The following TLL1 variants were observed in gnomAD, a reference collection of about 807,000 sequenced individuals.
The protein encoded by TLL1 is tolloid-like protein 1.
A neutral mutation model predicts 128.2 loss-of-function variants in TLL1; 49 were observed. The observed-to-expected ratio is 0.38, with a 90% confidence interval of 0.30 to 0.48. The LOEUF (loss-of-function observed/expected upper bound fraction) is 0.48, where lower values mean the gene tolerates loss of function less well. TLL1 is among the 20% of genes least tolerant of loss of function. TLL1 has a pLI of 0.96. For missense variants in TLL1, 1,123 were observed against 1,242.0 expected, an observed-to-expected ratio of 0.90 and a Z score of 1.44; for synonymous variants, 454 against 418.8, an observed-to-expected ratio of 1.08 and a Z score of -1.03.
rs529653380 is a variant in TLL1 at position 166,049,792 on chromosome 4, A to T, written c.1525-5284A>T. Among the ~76,000 whole-genome samples the T allele has an allele frequency of 1.5e-3, 223 of 151,608 alleles. 1 individual carries two copies. The highest frequency in any genetic ancestry group is 4.9e-3 in the African/African-American group (202 of 41,478). ...TTTATACTATTATTTCCTAGACTTTACTAGATTTTTCTCATTATAAAAATT... is the reference window on the plus strand; with the variant it reads ...TTTATACTATTATTTCCTAGACTTTTCTAGATTTTTCTCATTATAAAAATT... On this transcript the variant is annotated intron_variant, in intron 12 of 20. Coordinates refer to ENST00000061240, the MANE Select transcript of TLL1 (RefSeq NM_012464.5).
chr4:166,005,868 G>C (rs1366806848), intron 6 of TLL1, among the ~76,000 whole-genome samples: 1 of 151,830 alleles, frequency 6.6e-6, no homozygotes, highest in Non-Finnish European at 1.5e-5. Flanking sequence ...TATATAATGT[G>C]TAGTATAAAT....
At chr4:165,912,673 CAT>C (rs111371900) in intron 1 of TLL1, among the ~76,000 whole-genome samples, 11,329 of 152,166 alleles carry the variant, frequency 0.074, 1,339 homozygotes, top group African/African-American at 0.25. Context: ...CTCCTCGTTC[CAT>C]AGTTGTTCAA....
intron 6 of TLL1, among the ~76,000 whole-genome samples, chr4:166,005,884 C>T (rs6823153): frequency 0.059 from 9,009 of 151,728 alleles, 275 homozygotes; most frequent in African/African-American, 0.088. Context: ...TAAATAAATG[C>T]GCAATCCTAA....
At chr4:165,970,095 T>C (rs1735566668) in intron 1 of TLL1, among the ~76,000 whole-genome samples, 1 of 152,158 alleles carries the variant, frequency 6.6e-6, no homozygotes, top group Non-Finnish European at 1.5e-5. Context: ...CTTTAATGAG[T>C]GTTCTAAGGC....
chr4:165,887,793 A>G (rs184213824), intron 1 of TLL1, among the ~76,000 whole-genome samples: 27 of 152,294 alleles, frequency 1.8e-4, no homozygotes, highest in Admixed American at 1.5e-3. Flanking sequence ...ATCCATTAAC[A>G]TGGTATATAT....
At position 166,060,084 on chromosome 4, in the gene TLL1, C is replaced by T. The variant is rs1286090961; in HGVS notation, c.1903C>T (p.Pro635Ser). The change falls in exon 15 of 21, where the codon CCC (proline) becomes TCC (serine). Residue 635 changes from proline (P) to serine (S), a missense_variant. Physicochemically the swap from Pro to Ser is moderately conservative, Grantham distance 74 (BLOSUM62 -1). Coordinates refer to ENST00000061240, the MANE Select transcript of TLL1 (RefSeq NM_012464.5). Reference sequence around the variant, plus strand: ...CGGCACCATAACCACCCCTGGCTGGCCCAAGGAGTACCCTCCTAATAAGAA... The same window carrying T: ...CGGCACCATAACCACCCCTGGCTGGTCCAAGGAGTACCCTCCTAATAAGAA... The part of the protein sequence containing the change: ...LNGTITTPGW[P>S]KEYPPNKNCV... 2.5e-6 allele frequency: 4 copies of T among 1,613,712 alleles called. No individual in the cohort carries two copies. Among genetic ancestry groups the T allele is most frequent in the East Asian group, 2.2e-5 (1 of 44,800 alleles).
At chr4:165,992,492 A>G (rs965669761) in intron 2 of TLL1, among the ~76,000 whole-genome samples, 4 of 152,060 alleles carry the variant, frequency 2.6e-5, no homozygotes, top group African/African-American at 9.6e-5. Context: ...CATTCTATGT[A>G]GCACTATGTG....
At chr4:165,907,860 T>G (rs1178433425) in intron 1 of TLL1, among the ~76,000 whole-genome samples, 1 of 152,186 alleles carries the variant, frequency 6.6e-6, no homozygotes, top group Non-Finnish European at 1.5e-5. Flanking sequence ...GTAAGACACT[T>G]TTATAAACTT....
chr4:166,072,432 C>T (rs1740836349), intron 16 of TLL1, among the ~76,000 whole-genome samples: 1 of 151,686 alleles, frequency 6.6e-6, no homozygotes, highest in Non-Finnish European at 1.5e-5. Flanking sequence ...TCCTCCTCTG[C>T]TTTCTCTTCT....
chr4:165,920,902 G>A (rs1214108142), intron 1 of TLL1, among the ~76,000 whole-genome samples: 1 of 152,096 alleles, frequency 6.6e-6, no homozygotes, highest in East Asian at 1.9e-4. Flanking sequence ...CTTTGTCATG[G>A]CTTAGATCCA....
At chr4:165,902,994 G>A (rs922706023) in intron 1 of TLL1, among the ~76,000 whole-genome samples, 3 of 152,136 alleles carry the variant, frequency 2.0e-5, no homozygotes, top group Non-Finnish European at 2.9e-5. Context: ...TCAAAATTAA[G>A]TTCTGCTCAT....
intron 5 of TLL1, among the ~76,000 whole-genome samples, chr4:166,000,774 C>T (rs111660675): frequency 0.014 from 2,051 of 151,876 alleles, 44 homozygotes; most frequent in African/African-American, 0.047. Context: ...TATTCAAATA[C>T]ATAATAGGTA....
At chr4:166,055,038 T>C (rs781330025) in intron 12 of TLL1, 38 bp from the exon 13 acceptor site, 29 of 1,553,068 alleles carry the variant, frequency 1.9e-5, no homozygotes, top group Non-Finnish European at 2.6e-5. Context: ...ATGTTTTATC[T>C]ATAAACATAT....
At chr4:166,005,254 C>G (rs118082091) in intron 6 of TLL1, among the ~76,000 whole-genome samples, 14 of 151,858 alleles carry the variant, frequency 9.2e-5, no homozygotes, top group African/African-American at 3.4e-4. Context: ...ATTTAAAAAG[C>G]CTTTGTATGA....
At position 166,091,298 on chromosome 4, in the gene TLL1, T is replaced by C. The variant is rs1741768442; in HGVS notation, c.2613T>C (p.Asp871=). 3.1e-6 allele frequency: 5 copies of C among 1,612,934 alleles called. No individual in the cohort carries two copies. In the South Asian group the frequency reaches 5.5e-5, roughly 18 times the overall value. The change falls in exon 19 of 21, where the codon GAT becomes GAC. Residue 871 remains aspartate (D), a synonymous_variant. Transcript: ENST00000061240. ...GNKMFVRFVS[D]ASVQRKGFQA... ...AAATGTTTGTTCGGTTTGTTTCTGA[T>C]GCATCTGTTCAAAGAAAAGGCTTTC...
chr4:165,975,338 G>A (rs1049565873), intron 1 of TLL1, among the ~76,000 whole-genome samples: 6 of 145,908 alleles, frequency 4.1e-5, no homozygotes, highest in East Asian at 2.2e-4. Flanking sequence ...CCTCCCCCAC[G>A]CCACCCAACC....
intron 2 of TLL1, among the ~76,000 whole-genome samples, chr4:165,992,044 A>G (rs1318172860): frequency 6.6e-6 from 1 of 152,050 alleles, no homozygotes; most frequent in Non-Finnish European, 1.5e-5. Flanking sequence ...TTTCTGACTT[A>G]TGACAGGAAT....
intron 1 of TLL1, among the ~76,000 whole-genome samples, chr4:165,970,618 T>G (rs950993168): frequency 1.3e-5 from 2 of 152,172 alleles, no homozygotes; most frequent in African/African-American, 4.8e-5. Flanking sequence ...GTCTTTCCCT[T>G]TACTTTTTTA....
chr4:166,041,236 T>A (rs1739221630), intron 10 of TLL1, among the ~76,000 whole-genome samples: 1 of 151,646 alleles, frequency 6.6e-6, no homozygotes. Flanking sequence ...TCCTCAGGAG[T>A]GCTGTTGAAC....
Sources: gnomAD v4.1 joint callset for allele counts (sites outside exome capture counted in the v4.1 genomes callset) on GRCh38, gnomAD v4.1.1 for gene constraint, MANE v1.5 for transcripts, NCBI Gene and HGNC (gene_info 2026-07-23, HGNC 2026-07-21) for gene names.